The following TDRD5 variants were observed in gnomAD, a reference collection of about 807,000 sequenced individuals.
The protein encoded by TDRD5 is tudor domain containing 5, also known as tudor domain-containing protein 5.
TDRD5 carries 41 observed loss-of-function variants against 120.6 expected under a neutral mutation model. The observed-to-expected ratio is 0.34, with a 90% confidence interval of 0.26 to 0.44. TDRD5 has a LOEUF of 0.44. TDRD5 is among the 20% of genes least tolerant of loss of function. The pLI is 1.00. For missense variants in TDRD5, 1,006 were observed against 1,221.2 expected (o/e 0.82, Z 2.63); for synonymous variants, 430 against 433.7 (o/e 0.99, Z 0.11).
Position 179,634,598 on chromosome 1 carries a change from A to G in TDRD5, c.1268A>G (p.Lys423Arg). 1.2e-6 allele frequency: 2 copies of G among 1,613,564 alleles called. No homozygotes were observed. Among genetic ancestry groups the G allele is most frequent in the Non-Finnish European group, 1.7e-6 (2 of 1,179,886 alleles). ...GAGCCACAACAGAAGATTTGCAAGAAGCCTAATCTGGTGGTAAAGCCTTTA... is the reference window on the plus strand; with the variant it reads ...GAGCCACAACAGAAGATTTGCAAGAGGCCTAATCTGGTGGTAAAGCCTTTA... Reference protein sequence around the residue: ...QKEPQQKICKKPNLVVKPLQL... With the variant: ...QKEPQQKICKRPNLVVKPLQL... Residue 423 changes from lysine (K) to arginine (R), a missense_variant, in exon 8 of 18, where the codon AAG becomes AGG. By Grantham distance (26) the Lys-to-Arg change is conservative. This residue lies in a region of TDRD5 where 445 missense variants were observed against 515.5 expected (regional missense o/e 0.86). Coordinates refer to ENST00000444136, the MANE Select transcript of TDRD5 (RefSeq NM_001199085.3).
intron 16 of TDRD5, among the ~76,000 whole-genome samples, chr1:179,668,741 C>CT (rs35873475): frequency 0.23 from 25,258 of 110,216 alleles, 3,559 homozygotes; most frequent in East Asian, 0.36. Context: ...TATCTAGGTT[C>CT]TTTTTTTTTT....
intron 6 of TDRD5, among the ~76,000 whole-genome samples, chr1:179,630,082 C>T (rs933099188): frequency 6.6e-6 from 1 of 151,644 alleles, no homozygotes; most frequent in African/African-American, 2.4e-5. Flanking sequence ...TGGGTTCATG[C>T]CATTCTCCGG....
intron 3 of TDRD5, 72 bp from the exon 4 acceptor site, chr1:179,595,556 A>G (rs943939333): frequency 7.3e-7 from 1 of 1,368,376 alleles, no homozygotes; most frequent in Non-Finnish European, 9.9e-7. Flanking sequence ...TAGCCTCTGT[A>G]TGTAGCCACC....
At chr1:179,641,442 A>G (rs1395515353) in intron 11 of TDRD5, among the ~76,000 whole-genome samples, 1 of 152,062 alleles carries the variant, frequency 6.6e-6, no homozygotes, top group Non-Finnish European at 1.5e-5. Flanking sequence ...AGACAGGATA[A>G]TTGCTTGAAC....
intron 2 of TDRD5, 48 bp downstream of exon 2, chr1:179,592,895 T>C (rs751280172): frequency 6.5e-7 from 1 of 1,540,230 alleles, no homozygotes; most frequent in South Asian, 1.1e-5. Flanking sequence ...ATAAAAACAA[T>C]TGCTTAGTAA....
intron 6 of TDRD5, among the ~76,000 whole-genome samples, chr1:179,630,192 T>C (rs35061972): frequency 0.24 from 36,488 of 151,860 alleles, 4,913 homozygotes; most frequent in East Asian, 0.35. Flanking sequence ...AGAGATGGGG[T>C]TTCACCGTGT....
chr1:179,644,942 T>C (rs1678258580), intron 11 of TDRD5, among the ~76,000 whole-genome samples: 1 of 152,140 alleles, frequency 6.6e-6, no homozygotes, highest in African/African-American at 2.4e-5. Context: ...TTTCTAACCT[T>C]TAGGTGGATC....
intron 11 of TDRD5, among the ~76,000 whole-genome samples, chr1:179,645,958 A>G (rs939940261): frequency 6.6e-6 from 1 of 151,962 alleles, no homozygotes; most frequent in Non-Finnish European, 1.5e-5. Flanking sequence ...CTCTATCTTT[A>G]TATTTAGATA....
At chr1:179,631,353 C>G (rs1483551592) in intron 7 of TDRD5, among the ~76,000 whole-genome samples, 1 of 152,172 alleles carries the variant, frequency 6.6e-6, no homozygotes, top group Non-Finnish European at 1.5e-5. Flanking sequence ...GATCAAGCCA[C>G]TGCACTCCAG....
chr1:179,634,436 C>G (rs778267872), intron 7 of TDRD5, 21 bp from the exon 8 acceptor site: 3 of 1,579,720 alleles, frequency 1.9e-6, no homozygotes, highest in East Asian at 4.5e-5. Flanking sequence ...GTTGTTTCAT[C>G]AGTCGGAAAT....
chr1:179,652,296 T>C, intron 13 of TDRD5, 99 bp downstream of exon 13: 3 of 1,248,684 alleles, frequency 2.4e-6, no homozygotes, highest in Non-Finnish European at 3.3e-6. Flanking sequence ...TTGGAAAGTT[T>C]GGAAATTTTG....
At chr1:179,594,025 C>G (rs1675258426) in intron 3 of TDRD5, among the ~76,000 whole-genome samples, 158 bp downstream of exon 3, 2 of 152,164 alleles carry the variant, frequency 1.3e-5, no homozygotes, top group Non-Finnish European at 2.9e-5. Flanking sequence ...TAGTTTTCCT[C>G]ATCTTTAAAA....
At position 179,691,016 on chromosome 1, in the gene TDRD5, G is replaced by GAGTT. The variant is rs1178838284; in HGVS notation, c.*75_*78dup. On this transcript the variant is annotated 3_prime_UTR_variant, in exon 18 of 18. Transcript: ENST00000444136. ...TGATGAACTCCCAGGCCAAAATGAG[G>GAGTT]AGTTATTGAAGCAAAATAGTATCTT... 62 of 1,525,658 alleles carry GAGTT rather than the reference G, an allele frequency of 4.1e-5. No individual in the cohort carries two copies. In the East Asian group the frequency reaches 1.4e-3, roughly 35 times the overall value. 94.5% of individuals were successfully genotyped at this position (1,525,658 alleles called of 1,614,324 possible). A position where few individuals can be genotyped will look rare whatever the true frequency, so the allele number is the denominator to read the frequency against.
At chr1:179,638,079 G>A (rs1677862969) in intron 9 of TDRD5, among the ~76,000 whole-genome samples, 1 of 152,192 alleles carries the variant, frequency 6.6e-6, no homozygotes, top group African/African-American at 2.4e-5. Flanking sequence ...GAGGTTGCAG[G>A]AGTCAGGAAG....
Position 179,640,377 on chromosome 1 carries a change from A to G in TDRD5, c.1734-2A>G. The stretch of plus-strand genomic sequence containing the variant: ...ACTTACATATTTGATTATCTATTGC[A>G]GGTGCTGCTACACAAAGCTTCCAGC... On this transcript the variant is annotated splice_acceptor_variant, in intron 10 of 17. Coordinates refer to ENST00000444136, the MANE Select transcript of TDRD5 (RefSeq NM_001199085.3). LOFTEE classifies it high-confidence loss of function. The G allele has an allele frequency of 6.2e-7, 1 of 1,614,116 alleles. No homozygotes were observed. The highest frequency in any genetic ancestry group is 8.5e-7 in the Non-Finnish European group (1 of 1,179,972).
chr1:179,610,083 A>G (rs1676203379), intron 4 of TDRD5, among the ~76,000 whole-genome samples: 1 of 152,132 alleles, frequency 6.6e-6, no homozygotes, highest in African/African-American at 2.4e-5. Context: ...CTGCATTGTT[A>G]TTCAACAGCT....
chr1:179,679,042 T>C (rs1166758346), intron 17 of TDRD5, among the ~76,000 whole-genome samples: 3 of 152,340 alleles, frequency 2.0e-5, no homozygotes, highest in East Asian at 1.9e-4. Flanking sequence ...TTCCAATTTA[T>C]TCCTAGATTT....
chr1:179,639,988 A>C lies in TDRD5; in HGVS notation c.1670A>C (p.Glu557Ala), dbSNP rs765079583. ...IHRVLEKQEV[E>A]VFYPDFGNIG... ...CGAGTCCTTGAGAAACAGGAAGTTG[A>C]AGTGTTCTACCCAGACTTTGGAAAT... is the stretch of plus-strand genomic sequence containing the variant. Residue 557 changes from glutamate (E) to alanine (A), a missense_variant, in exon 10 of 18, where the codon GAA becomes GCA. Glu to Ala is a moderately radical substitution (Grantham distance 107). Transcript: ENST00000444136. 6.2e-7 allele frequency: 1 copy of C among 1,614,144 alleles called. No individual in the cohort carries two copies. The highest frequency in any genetic ancestry group is 8.5e-7 in the Non-Finnish European group (1 of 1,180,008).
chr1:179,603,541 C>G (rs10913827), intron 4 of TDRD5, among the ~76,000 whole-genome samples: 15,519 of 152,046 alleles, frequency 0.1, 926 homozygotes, highest in African/African-American at 0.16. Context: ...TTACATTGAG[C>G]TATGTCCCTT....
Sources: allele counts gnomAD v4.1 joint callset (sites outside exome capture counted in the v4.1 genomes callset), GRCh38; gene constraint gnomAD v4.1.1; regional missense constraint gnomAD v4.1.1; transcripts MANE v1.5; gene names NCBI Gene and HGNC (gene_info 2026-07-23, HGNC 2026-07-21).